Variants in APBA1 observed in about 807,000 individuals in gnomAD.
APBA1 encodes the protein amyloid-beta A4 precursor protein-binding family A member 1.
A neutral mutation model predicts 86.6 loss-of-function variants in APBA1; 55 were observed. That is an observed-to-expected ratio of 0.64 (90% CI 0.51 to 0.80). The LOEUF (loss-of-function observed/expected upper bound fraction) is 0.80, where lower values mean the gene tolerates loss of function less well. Ranked by LOEUF, APBA1 falls within the 30% of genes least tolerant of loss-of-function variation. The pLI is 0.00. For synonymous variants in APBA1, 511 were observed against 493.9 expected (o/e 1.03, Z -0.46); for missense variants, 1,090 against 1,183.0 (o/e 0.92, Z 1.15).
chr9:69,616,836 T>A (rs934101771), intron 1 of APBA1, among the ~76,000 whole-genome samples: 1 of 152,124 alleles, frequency 6.6e-6, no homozygotes, highest in African/African-American at 2.4e-5. Flanking sequence ...TGGAGAAAGA[T>A]CTTGGTCAAA....
chr9:69,637,605 C>T (rs941483478), intron 1 of APBA1, among the ~76,000 whole-genome samples: 7 of 152,160 alleles, frequency 4.6e-5, no homozygotes, highest in South Asian at 2.1e-4. Context: ...AGATGAAATA[C>T]GCTTCCATAC....
intron 3 of APBA1, among the ~76,000 whole-genome samples, chr9:69,473,928 T>C (rs1016846463): frequency 6.6e-6 from 1 of 152,176 alleles, no homozygotes; most frequent in African/African-American, 2.4e-5. Flanking sequence ...TCTAAGGATA[T>C]ATAGAAACAT....
In APBA1 at chr9:69,436,721, A is replaced by C. The variant is rs559468640; in HGVS notation, c.2302-4045T>G. Reference sequence around the variant, plus strand: ...AGATATACAATCATGTCATCTGCAAACAGGGATAATTTGACTTCCTCTTTT... The same window carrying C: ...AGATATACAATCATGTCATCTGCAACCAGGGATAATTTGACTTCCTCTTTT... On this transcript the variant is annotated intron_variant, in intron 11 of 12. Coordinates refer to ENST00000265381, the MANE Select transcript of APBA1 (RefSeq NM_001163.4). Among the ~76,000 whole-genome samples, 17 of 152,190 alleles carry C rather than the reference A, an allele frequency of 1.1e-4. No individual in the cohort carries two copies. In the South Asian group the frequency reaches 3.3e-3, roughly 30 times the overall value.
In APBA1 at chr9:69,525,773, A is replaced by G. The variant is rs573987990; in HGVS notation, c.-69-8494T>C. ...CGAGCCTGAATAGCAATCCTAAGCA[A>G]AAAGAGCAAAGCCAGAGGTATCACA... On this transcript the variant is annotated intron_variant, in intron 1 of 12. Transcript: ENST00000265381. Among the ~76,000 whole-genome samples, 70 of 152,272 alleles carry G rather than the reference A, an allele frequency of 4.6e-4. 1 individual carries two copies. In the South Asian group the frequency reaches 0.014, roughly 31 times the overall value.
At chr9:69,468,782 G>A (rs1001985993) in intron 4 of APBA1, among the ~76,000 whole-genome samples, 1 of 152,150 alleles carries the variant, frequency 6.6e-6, no homozygotes, top group African/African-American at 2.4e-5. Flanking sequence ...AAATTAAAAC[G>A]TGTCTGTGAT....
intron 5 of APBA1, among the ~76,000 whole-genome samples, chr9:69,459,094 G>A (rs988874637): frequency 6.6e-5 from 10 of 152,142 alleles, no homozygotes; most frequent in South Asian, 2.1e-4. Context: ...GCGAGCCACC[G>A]CGCCTGGCCT....
chr9:69,610,161 A>AT (rs1564091411), intron 1 of APBA1, among the ~76,000 whole-genome samples: 1 of 152,004 alleles, frequency 6.6e-6, no homozygotes, highest in South Asian at 2.1e-4. Context: ...CCACAAAAAA[A>AT]TTTTTTTAAT....
At chr9:69,537,150 C>T (rs1836525870) in intron 1 of APBA1, among the ~76,000 whole-genome samples, 1 of 151,596 alleles carries the variant, frequency 6.6e-6, no homozygotes, top group South Asian at 2.1e-4. Flanking sequence ...ATGTGACCAT[C>T]AACATATTTT....
At position 69,565,668 on chromosome 9, in the gene APBA1, C is replaced by T. The variant is rs75305011; in HGVS notation, c.-69-48389G>A. Among the ~76,000 whole-genome samples the T allele has an allele frequency of 6.6e-3, 1,001 of 152,286 alleles. 8 individuals carry two copies. Among genetic ancestry groups the T allele is most frequent in the Middle Eastern group, 0.024 (7 of 294 alleles). ...GGCAGCTGTCAATGGTTCATCCTCC[C>T]CTCTTATTCTCCGCGTCCAGTCAAT... On this transcript the variant is annotated intron_variant, in intron 1 of 12. Coordinates refer to ENST00000265381, the MANE Select transcript of APBA1 (RefSeq NM_001163.4).
chr9:69,596,250 C>G (rs1224106287), intron 1 of APBA1, among the ~76,000 whole-genome samples: 1 of 152,090 alleles, frequency 6.6e-6, no homozygotes, highest in Non-Finnish European at 1.5e-5. Context: ...GTCTCCCAAA[C>G]CCCTGAGATT....
rs139302586 is a variant in APBA1 at position 69,516,722 on chromosome 9, C to T, written c.489G>A (p.Ala163=). Residue 163 remains alanine, a synonymous_variant, in exon 2 of 13, where the codon GCG becomes GCA. Transcript: ENST00000265381. This position sits in a 1 kb window ranked among gnomAD's most constrained non-coding sequence, Gnocchi z 7.3. ...HSLEHEEAMN[A]AYSGYVYTHR... is the part of the protein sequence containing the mutation. ...GCGTGTAGACGTAGCCTGAGTAGGC[C>T]GCATTCATGGCTTCCTCGTGCTCCA... The T allele has an allele frequency of 1.1e-5, 18 of 1,611,732 alleles. No individual in the cohort carries two copies. In the African/African-American group the frequency reaches 2.0e-4, roughly 18 times the overall value.
chr9:69,437,243 T>G (rs574581229), intron 11 of APBA1, among the ~76,000 whole-genome samples: 1 of 151,824 alleles, frequency 6.6e-6, no homozygotes, highest in South Asian at 2.1e-4. Context: ...ATTATCTTTT[T>G]TGGTTGTGTC....
At chr9:69,435,967 G>A (rs544870108) in intron 11 of APBA1, among the ~76,000 whole-genome samples, 2 of 152,212 alleles carry the variant, frequency 1.3e-5, no homozygotes, top group Admixed American at 6.5e-5. Context: ...AAGGTGTAAG[G>A]AAGGGACCCA....
chr9:69,599,313 C>T (rs1822301300), intron 1 of APBA1, among the ~76,000 whole-genome samples: 1 of 152,282 alleles, frequency 6.6e-6, no homozygotes, highest in Middle Eastern at 3.4e-3. Flanking sequence ...GTGTTTTAGT[C>T]ATTGCCTTTA....
At chr9:69,663,497 C>T (rs986425924) in intron 1 of APBA1, among the ~76,000 whole-genome samples, 1 of 152,172 alleles carries the variant, frequency 6.6e-6, no homozygotes, top group African/African-American at 2.4e-5. Flanking sequence ...TTAAAATATG[C>T]TACAATTTAC....
At chr9:69,541,283 C>G (rs142268364) in intron 1 of APBA1, among the ~76,000 whole-genome samples, 2 of 133,630 alleles carry the variant, frequency 1.5e-5, no homozygotes, top group Non-Finnish European at 3.2e-5. Flanking sequence ...CTATATCAGC[C>G]GAACCATTTC....
At chr9:69,577,771 C>A (rs1821832632) in intron 1 of APBA1, among the ~76,000 whole-genome samples, 1 of 152,250 alleles carries the variant, frequency 6.6e-6, no homozygotes, top group Non-Finnish European at 1.5e-5. Flanking sequence ...AATCATCTGG[C>A]TAACCAGTCT....
At chr9:69,447,762 G>A (rs945269236) in intron 10 of APBA1, among the ~76,000 whole-genome samples, 3 of 152,112 alleles carry the variant, frequency 2.0e-5, no homozygotes, top group Non-Finnish European at 2.9e-5. Flanking sequence ...ATGCTGCCCC[G>A]AAGGCTCAGC....
intron 1 of APBA1, among the ~76,000 whole-genome samples, chr9:69,639,070 C>T (rs1041096284): frequency 3.9e-5 from 6 of 152,088 alleles, no homozygotes; most frequent in African/African-American, 1.4e-4. Flanking sequence ...CCTCAGCTCC[C>T]ATCATGTTCA....
Sources: allele counts gnomAD v4.1 joint callset (sites outside exome capture counted in the v4.1 genomes callset), GRCh38; gene constraint gnomAD v4.1.1; non-coding constraint Gnocchi (gnomAD v3.1); transcripts MANE v1.5; gene names NCBI Gene and HGNC (gene_info 2026-07-23, HGNC 2026-07-21).